Variants in USB1 observed in about 807,000 individuals in gnomAD.
USB1 encodes U6 snRNA biogenesis phosphodiesterase 1.
Under a neutral mutation model 29.9 loss-of-function variants are expected in USB1, and 21 were observed. That is an observed-to-expected ratio of 0.70 (90% CI 0.50 to 1.01). The LOEUF is 1.01. USB1 is among the 50% of genes least tolerant of loss of function. The pLI is 0.00. For synonymous variants in USB1, 143 were observed against 134.9 expected (o/e 1.06, Z -0.42); for missense variants, 330 against 347.1 (o/e 0.95, Z 0.39).
At position 58,012,140 on chromosome 16, in the gene USB1, C is replaced by T. The variant is rs148565907; in HGVS notation, c.449+2028C>T. On this transcript the variant is annotated intron_variant, in intron 3 of 6. Coordinates refer to ENST00000219281, the MANE Select transcript of USB1 (RefSeq NM_024598.4). ...AGGATGTCACTGCCCAACTAGGAAA[C>T]TGCTCAGTTAGCTGAACCCCTTCTG... 275 of 1,413,040 alleles carry T rather than the reference C, an allele frequency of 1.9e-4. No homozygotes were observed. In the African/African-American group the frequency reaches 3.6e-3, roughly 19 times the overall value. 87.5% of individuals were successfully genotyped at this position (1,413,040 alleles called of 1,614,324 possible).
rs1449435119 is a variant in USB1, at chr16:58,004,454, G to T, written c.265+1809G>T. On this transcript the variant is annotated intron_variant, in intron 2 of 6. Transcript: ENST00000219281. The stretch of plus-strand genomic sequence containing the variant: ...CTGGGTTTTTTGGGGGCTTTTTTTG[G>T]TTTTTTTTAGAGATAGGGTCTCACT... Among the ~76,000 whole-genome samples, 5 of 151,742 alleles carry T rather than the reference G, an allele frequency of 3.3e-5. No homozygotes were observed. In the South Asian group the frequency reaches 6.3e-4, roughly 19 times the overall value.
In USB1 at chr16:58,014,517, G is replaced by A. The variant is rs186423318; in HGVS notation, c.503+191G>A. ...ACTGGGAGATCCCAGGCACAGTAGC[G>A]CATGCCTGTAATTCCAGCACTTTGG... On this transcript the variant is annotated intron_variant, in intron 4 of 6. Coordinates refer to ENST00000219281, the MANE Select transcript of USB1 (RefSeq NM_024598.4). Among the ~76,000 whole-genome samples, 141 of 152,318 alleles carry A rather than the reference G, an allele frequency of 9.3e-4. 1 individual carries two copies. The highest frequency in any genetic ancestry group is 3.3e-3 in the African/African-American group (136 of 41,576).
chr16:58,015,635 A>T (rs1963598200), intron 4 of USB1: 1 of 152,168 alleles, frequency 6.6e-6, no homozygotes, highest in Admixed American at 6.5e-5. Context: ...ACAAGTAATG[A>T]GAGTGTTTGT....
upstream of USB1, chr16:58,001,404 G>A (rs985665840): frequency 3.3e-6 from 5 of 1,518,584 alleles, no homozygotes; most frequent in African/African-American, 4.1e-5. Context: ...CCCCTGGGAG[G>A]GCGCTTCCGG....
intron 4 of USB1, chr16:58,016,988 T>G (rs774831156): frequency 2.9e-6 from 1 of 345,070 alleles, no homozygotes; most frequent in Non-Finnish European, 5.6e-6. Context: ...GAGGCCTCCT[T>G]GAGGACAGGA....
intron 6 of USB1, among the ~76,000 whole-genome samples, chr16:58,019,472 G>A (rs1366329364): frequency 6.6e-6 from 1 of 152,146 alleles, no homozygotes; most frequent in Non-Finnish European, 1.5e-5. Flanking sequence ...ATGTACCAGG[G>A]GTAAGGAACA....
intron 3 of USB1, chr16:58,010,730 A>C: frequency 2.3e-6 from 1 of 435,856 alleles, no homozygotes; most frequent in South Asian, 2.8e-5. Context: ...GATACACATG[A>C]ACAGCCAGAT....
At chr16:58,011,705 C>T in intron 3 of USB1, 1 of 987,612 alleles carries the variant, frequency 1.0e-6, no homozygotes, top group Non-Finnish European at 1.2e-6. Context: ...GTTCTTTACC[C>T]CTGGTGGTCA....
At chr16:58,010,228 C>A in intron 3 of USB1, 116 bp downstream of exon 3, 3 of 1,297,510 alleles carry the variant, frequency 2.3e-6, no homozygotes, top group South Asian at 1.3e-5. Flanking sequence ...TAGAACACGG[C>A]CCCTCTCCTG....
chr16:58,001,644 G>GA, intron 1 of USB1, 63 bp downstream of exon 1: 1 of 1,531,056 alleles, frequency 6.5e-7, no homozygotes, highest in South Asian at 1.2e-5. Context: ...GACGGGACCC[G>GA]AATGTCTGGG....
At position 58,002,676 on chromosome 16, in the gene USB1, G is replaced by A. The variant is rs1287776255; in HGVS notation, c.265+31G>A. ...TGATGTGTGAAAGGCAAGTTGCCAA[G>A]ACCCATAGACCCGTAGGTGCCTCAT... On this transcript the variant is annotated intron_variant, in intron 2 of 6. Coordinates refer to ENST00000219281, the MANE Select transcript of USB1 (RefSeq NM_024598.4). The A allele has an allele frequency of 2.5e-6, 4 of 1,613,108 alleles. No individual in the cohort carries two copies. The South Asian group carries it at 3.3e-5, about 13-fold the overall frequency.
chr16:58,011,468 A>G lies in USB1; in HGVS notation c.449+1356A>G, dbSNP rs200358845. The G allele has an allele frequency of 6.8e-6, 7 of 1,034,476 alleles. No individual in the cohort carries two copies. In the East Asian group the frequency reaches 5.9e-4, roughly 87 times the overall value. The allele number at this position is 1,034,476 out of a possible 1,614,324, so 64.1% of individuals were successfully genotyped here. A position where few individuals can be genotyped will look rare whatever the true frequency, so the allele number is the denominator to read the frequency against. On this transcript the variant is annotated intron_variant, in intron 3 of 6. Transcript: ENST00000219281. ...AATGCATCTCCTGCTAGACTGGTCC[A>G]GATCAAAACCCTGCTCTTTCACTGA...
In USB1 at chr16:58,020,643, C is replaced by G. The variant is rs1567424888; in HGVS notation, c.*398C>G. On this transcript the variant is annotated 3_prime_UTR_variant, in exon 7 of 7. Transcript: ENST00000219281. ...CCTCCTCTCTCTTCCTCTCCTCTCTCTCTTCCTCTCCTCTCTCTTCCCTTC... is the reference window on the plus strand; with the variant it reads ...CCTCCTCTCTCTTCCTCTCCTCTCTGTCTTCCTCTCCTCTCTCTTCCCTTC... The G allele has an allele frequency of 6.5e-6, 2 of 309,188 alleles. No individual in the cohort carries two copies. Among genetic ancestry groups the G allele is most frequent in the African/African-American group, 2.2e-5 (1 of 44,508 alleles). 19.2% of individuals were successfully genotyped at this position (309,188 alleles called of 1,614,324 possible). A position where few individuals can be genotyped will look rare whatever the true frequency, so the allele number is the denominator to read the frequency against.
intron 6 of USB1, among the ~76,000 whole-genome samples, chr16:58,019,759 AT>A (rs923388983): frequency 2.0e-5 from 3 of 152,212 alleles, no homozygotes; most frequent in Admixed American, 6.5e-5. Flanking sequence ...TTTAAAAAAC[AT>A]TTTGCAACCA....
At chr16:58,007,778 A>C (rs967031797) in intron 2 of USB1, among the ~76,000 whole-genome samples, 1 of 152,130 alleles carries the variant, frequency 6.6e-6, no homozygotes, top group Non-Finnish European at 1.5e-5. Context: ...CCTGAGTTTG[A>C]GACCAGCCTG....
rs1567421789 is a variant in USB1 at position 58,013,568 on chromosome 16, C to CT, written c.450-704dup. The CT allele has an allele frequency of 4.2e-6, 4 of 958,392 alleles. No homozygotes were observed. The highest frequency in any genetic ancestry group is 1.8e-4 in the Admixed American group (2 of 11,194). The allele number at this position is 958,392 out of a possible 1,614,324, so 59.4% of individuals were successfully genotyped here. A position where few individuals can be genotyped will look rare whatever the true frequency, so the allele number is the denominator to read the frequency against. On this transcript the variant is annotated intron_variant, in intron 3 of 6. Transcript: ENST00000219281. This position sits in a 1 kb window ranked among gnomAD's most constrained non-coding sequence, Gnocchi z 4.3. ...AGTCCAAGTCAAAGCACTTACCTAGCTGAGCCTGACTCTTCCCGTGTTATT... is the reference window on the plus strand; with the variant it reads ...AGTCCAAGTCAAAGCACTTACCTAGCTTGAGCCTGACTCTTCCCGTGTTATT...
chr16:58,020,349 C>T lies in USB1; in HGVS notation c.*104C>T. 2 of 1,084,468 alleles carry T rather than the reference C, an allele frequency of 1.8e-6. No homozygotes were observed. Among genetic ancestry groups the T allele is most frequent in the Non-Finnish European group, 2.8e-6 (2 of 718,934 alleles). The allele number at this position is 1,084,468 out of a possible 1,614,324, so 67.2% of individuals were successfully genotyped here. A position where few individuals can be genotyped will look rare whatever the true frequency, so the allele number is the denominator to read the frequency against. ...CTTCTAGCCTCCCAGTAGGAGGCCC[C>T]AGCCATGCCTTCAACCTGGCAGGAG... On this transcript the variant is annotated 3_prime_UTR_variant, in exon 7 of 7. Coordinates refer to ENST00000219281, the MANE Select transcript of USB1 (RefSeq NM_024598.4).
chr16:58,008,895 T>C (rs1427333004), intron 2 of USB1, among the ~76,000 whole-genome samples: 1 of 152,164 alleles, frequency 6.6e-6, no homozygotes, highest in South Asian at 2.1e-4. Flanking sequence ...AGATTTCTTC[T>C]TTGATCCGTG....
In USB1 at chr16:58,001,690, G is replaced by C. The variant is rs1222959197; in HGVS notation, c.98+109G>C. On this transcript the variant is annotated intron_variant, in intron 1 of 6. Coordinates refer to ENST00000219281, the MANE Select transcript of USB1 (RefSeq NM_024598.4). ...GGAGGGAGGATGCGGGGCGGCTCTG[G>C]GAAGGAAAAGGGGACGCAGGAAGAA... is the stretch of plus-strand genomic sequence containing the variant. 2.5e-6 allele frequency: 3 copies of C among 1,220,164 alleles called. No homozygotes were observed. In the African/African-American group the frequency reaches 4.5e-5, roughly 18 times the overall value. The allele number at this position is 1,220,164 out of a possible 1,614,324, so 75.6% of individuals were successfully genotyped here.
Sources: allele counts gnomAD v4.1 joint callset (sites outside exome capture counted in the v4.1 genomes callset), GRCh38; gene constraint gnomAD v4.1.1; non-coding constraint Gnocchi (gnomAD v3.1); transcripts MANE v1.5; gene names NCBI Gene and HGNC (gene_info 2026-07-23, HGNC 2026-07-21).